TBC1D9B: variants seen among roughly 807,000 people sequenced by gnomAD.
TBC1D9B encodes TBC1 domain family, member 9B (with GRAM domain).
TBC1D9B carries 87 observed loss-of-function variants against 121.1 expected under a neutral mutation model. The ratio of observed to expected loss-of-function variants is 0.72; its 90% CI spans 0.60 to 0.86. The LOEUF (loss-of-function observed/expected upper bound fraction) is 0.86, where lower values mean the gene tolerates loss of function less well. Ranked by LOEUF, TBC1D9B falls within the 40% of genes least tolerant of loss-of-function variation. TBC1D9B has a pLI of 0.00. For synonymous variants in TBC1D9B, 668 were observed against 670.1 expected (o/e 1.00, Z 0.05); for missense variants, 1,540 against 1,628.6 (o/e 0.95, Z 0.94).
Position 179,892,345 on chromosome 5 carries a change from A to G in TBC1D9B, c.837-759T>C, listed in dbSNP as rs75517620. 9.2e-3 allele frequency among the ~76,000 whole-genome samples: 1,407 copies of G among 152,342 alleles called. 29 individuals carry two copies. The highest frequency in any genetic ancestry group is 0.033 in the African/African-American group (1,366 of 41,572). On this transcript the variant is annotated intron_variant, in intron 5 of 20. Coordinates refer to ENST00000355235, the MANE Select transcript of TBC1D9B (RefSeq NM_015043.4). The stretch of plus-strand genomic sequence containing the variant: ...TGCTTGCACAATTTTCTGGTCCTGG[A>G]GGTGGACCCCAGAGTTTGGGCCTGG...
rs1441055177 is a variant in TBC1D9B, at chr5:179,902,617, G to A, written c.229+2085C>T. ...TGGGCCCCTCCCCAGCACCAGGCCT[G>A]CTGTGACTAAAGGGATTCCCACTCT... On this transcript the variant is annotated intron_variant, in intron 2 of 20. Coordinates refer to ENST00000355235, the MANE Select transcript of TBC1D9B (RefSeq NM_015043.4). The surrounding 1 kb of genome is among the most constrained non-coding windows in gnomAD (Gnocchi z 4.9). Among the ~76,000 whole-genome samples the A allele has an allele frequency of 2.6e-5, 4 of 152,158 alleles. No individual in the cohort carries two copies. Among genetic ancestry groups the A allele is most frequent in the African/African-American group, 9.7e-5 (4 of 41,432 alleles).
chr5:179,876,668 A>G (rs1219839412), intron 10 of TBC1D9B, among the ~76,000 whole-genome samples: 3 of 152,246 alleles, frequency 2.0e-5, no homozygotes, highest in African/African-American at 7.2e-5. Context: ...CAACAACAGA[A>G]TATAGCAAGT....
Position 179,907,740 on chromosome 5 carries a change from G to A in TBC1D9B, c.82C>T (p.Arg28Ter). The A allele has an allele frequency of 1.7e-6, 2 of 1,194,716 alleles. No individual in the cohort carries two copies. The highest frequency in any genetic ancestry group is 2.1e-6 in the Non-Finnish European group (2 of 937,908). 74.0% of individuals were successfully genotyped at this position (1,194,716 alleles called of 1,614,324 possible). A position where few individuals can be genotyped will look rare whatever the true frequency, so the allele number is the denominator to read the frequency against. The change falls in exon 1 of 21, where the codon CGA becomes TGA. Residue 28 changes from arginine to a stop codon, truncating the protein, a stop_gained. Transcript: ENST00000355235. LOFTEE classifies it high-confidence loss of function. The surrounding 1 kb of genome is among the most constrained non-coding windows in gnomAD (Gnocchi z 5.3). ...CCGCCCCTGCCGTGGCCCCGGCGTC[G>A]CTGCAGCACGAAGAAGGGGTTGGCC... ...ERANPFFVLQ[R>*]RRGHGRGGGL...
intron 3 of TBC1D9B, among the ~76,000 whole-genome samples, chr5:179,894,924 T>TC (rs1280718079): frequency 3.3e-5 from 5 of 152,202 alleles, no homozygotes; most frequent in Admixed American, 3.3e-4. Flanking sequence ...GTGCAGTGGC[T>TC]CAACCACGGC....
At chr5:179,877,679 A>AAAAAG (rs1174662138) in intron 10 of TBC1D9B, among the ~76,000 whole-genome samples, 69 of 149,812 alleles carry the variant, frequency 4.6e-4, no homozygotes, top group South Asian at 2.1e-3. Flanking sequence ...AAAAAAAAAA[A>AAAAAG]AAAAGAAAAG....
chr5:179,896,369 G>A (rs563053240), intron 3 of TBC1D9B, among the ~76,000 whole-genome samples: 6 of 152,328 alleles, frequency 3.9e-5, no homozygotes, highest in Non-Finnish European at 7.3e-5. Flanking sequence ...CCGCAGCTGC[G>A]ATCTAAACAT....
In TBC1D9B at chr5:179,875,266, T is replaced by C; in HGVS notation, c.1901-79A>G. On this transcript the variant is annotated intron_variant, in intron 11 of 20. Transcript: ENST00000355235. This position sits in a 1 kb window ranked among gnomAD's most constrained non-coding sequence, Gnocchi z 4.5. The stretch of plus-strand genomic sequence containing the variant: ...GCCCTCACCTGCAGCGTACGAGCCC[T>C]GGCCACTCCAGCCCTGCCAGCTGTG... 6.6e-7 allele frequency: 1 copy of C among 1,519,918 alleles called. No individual in the cohort carries two copies. The highest frequency in any genetic ancestry group is 8.8e-7 in the Non-Finnish European group (1 of 1,134,354). The allele number at this position is 1,519,918 out of a possible 1,614,324, so 94.2% of individuals were successfully genotyped here.
In TBC1D9B at chr5:179,874,870, C is replaced by T; in HGVS notation, c.2186+32G>A. ...GGCTGGTGAGGGGTTCTGCTGTGAG[C>T]CCCCAGCAGGAGAAGGAACCCGGCA... On this transcript the variant is annotated intron_variant, in intron 12 of 20. Transcript: ENST00000355235. This position sits in a 1 kb window ranked among gnomAD's most constrained non-coding sequence, Gnocchi z 4.3. 1 of 1,604,618 alleles carries T rather than the reference C, an allele frequency of 6.2e-7. No individual in the cohort carries two copies. The highest frequency in any genetic ancestry group is 8.5e-7 in the Non-Finnish European group (1 of 1,176,524).
chr5:179,882,434 C>G (rs1047870376), intron 7 of TBC1D9B, among the ~76,000 whole-genome samples: 1 of 152,216 alleles, frequency 6.6e-6, no homozygotes, highest in South Asian at 2.1e-4. Context: ...AGTCTGTTCT[C>G]CAGCAGACTC....
intron 2 of TBC1D9B, among the ~76,000 whole-genome samples, chr5:179,900,342 G>A (rs1761132863): frequency 6.6e-6 from 1 of 152,194 alleles, no homozygotes; most frequent in Non-Finnish European, 1.5e-5. Context: ...ATCTCTGCCT[G>A]GCCTGGCTCC....
chr5:179,891,452 A>C lies in TBC1D9B; in HGVS notation c.971T>G (p.Phe324Cys). 5 of 1,614,226 alleles carry C rather than the reference A, an allele frequency of 3.1e-6. No homozygotes were observed. Among genetic ancestry groups the C allele is most frequent in the Non-Finnish European group, 4.2e-6 (5 of 1,180,036 alleles). Residue 324 changes from phenylalanine to cysteine, a missense_variant, in exon 6 of 21, where the codon TTC (phenylalanine) becomes TGC (cysteine). Coordinates refer to ENST00000355235, the MANE Select transcript of TBC1D9B (RefSeq NM_015043.4). This position sits in a 1 kb window ranked among gnomAD's most constrained non-coding sequence, Gnocchi z 4.3. The part of the protein sequence containing the change: ...FNKLHIPGQM[F>C]ISNNYICFAS... ...GAAGCAGATGTAGTTGTTGGAGATGAACATCTGGCCAGGGATGTGCAGCTT... is the reference window on the plus strand; with the variant it reads ...GAAGCAGATGTAGTTGTTGGAGATGCACATCTGGCCAGGGATGTGCAGCTT...
intron 2 of TBC1D9B, among the ~76,000 whole-genome samples, chr5:179,903,930 G>T (rs1761230891): frequency 6.6e-6 from 1 of 151,988 alleles, no homozygotes; most frequent in Non-Finnish European, 1.5e-5. Flanking sequence ...TGGGGACATG[G>T]GCATCAGGCG....
intron 10 of TBC1D9B, among the ~76,000 whole-genome samples, chr5:179,877,779 T>G (rs1760402992): frequency 6.6e-6 from 1 of 151,734 alleles, no homozygotes; most frequent in African/African-American, 2.4e-5. Flanking sequence ...CCCTTGAGGA[T>G]ATCTTGCTAA....
intron 3 of TBC1D9B, among the ~76,000 whole-genome samples, chr5:179,897,587 A>C (rs1327865563): frequency 6.6e-6 from 1 of 152,156 alleles, no homozygotes; most frequent in East Asian, 1.9e-4. Context: ...GGCCTCCCAG[A>C]GTGCTGGGAT....
At chr5:179,887,751 G>A (rs763016971) in intron 7 of TBC1D9B, 45 of 310,246 alleles carry the variant, frequency 1.5e-4, no homozygotes, top group Non-Finnish European at 2.2e-4. Flanking sequence ...CAGCCTGAAC[G>A]CCTGGCAGGG....
At chr5:179,895,562 C>T (rs1310092238) in intron 3 of TBC1D9B, among the ~76,000 whole-genome samples, 1 of 152,194 alleles carries the variant, frequency 6.6e-6, no homozygotes, top group Non-Finnish European at 1.5e-5. Flanking sequence ...GGCATTGTTA[C>T]AGGGCTCAGG....
Position 179,902,261 on chromosome 5 carries a change from G to A in TBC1D9B, c.229+2441C>T, listed in dbSNP as rs1761185931. Reference sequence around the variant, plus strand: ...GGTTAGCTGGCATGGCGGACACTAGGCACAGCAGCCAGGAGGGGTGTGGCT... The same window carrying A: ...GGTTAGCTGGCATGGCGGACACTAGACACAGCAGCCAGGAGGGGTGTGGCT... On this transcript the variant is annotated intron_variant, in intron 2 of 20. Transcript: ENST00000355235. This position sits in a 1 kb window ranked among gnomAD's most constrained non-coding sequence, Gnocchi z 4.9. Among the ~76,000 whole-genome samples the A allele has an allele frequency of 6.6e-6, 1 of 152,238 alleles. No individual in the cohort carries two copies. The highest frequency in any genetic ancestry group is 2.1e-4 in the South Asian group (1 of 4,832).
rs775109007 is a variant in TBC1D9B, at chr5:179,863,644, G to C, written c.3506C>G (p.Ala1169Gly). 1.9e-6 allele frequency: 3 copies of C among 1,613,684 alleles called. No homozygotes were observed. Among genetic ancestry groups the C allele is most frequent in the Admixed American group, 1.7e-5 (1 of 60,002 alleles). ...LVGGEACSPT[A>G]RIGGTVDTDW... ...GGTGTCGACGGTGCCGCCGATGCGC[G>C]CTGTGGGGCTGCAGGCCTCCCCGCC... is the stretch of plus-strand genomic sequence containing the variant. Residue 1169 changes from alanine to glycine, a missense_variant, in exon 21 of 21, where the codon GCG becomes GGG. Physicochemically the swap from Ala to Gly is moderately conservative, Grantham distance 60 (BLOSUM62 0). Coordinates refer to ENST00000355235, the MANE Select transcript of TBC1D9B (RefSeq NM_015043.4). This position sits in a 1 kb window ranked among gnomAD's most constrained non-coding sequence, Gnocchi z 4.5.
At chr5:179,869,673 C>G (rs993849209) in intron 17 of TBC1D9B, 96 bp downstream of exon 17, 1 of 1,386,958 alleles carries the variant, frequency 7.2e-7, no homozygotes, top group South Asian at 1.2e-5. Context: ...GCTGTGCCCC[C>G]TCGAGGCCCC....
Sources: allele counts gnomAD v4.1 joint callset (sites outside exome capture counted in the v4.1 genomes callset), GRCh38; gene constraint gnomAD v4.1.1; non-coding constraint Gnocchi (gnomAD v3.1); transcripts MANE v1.5; gene names NCBI Gene and HGNC (gene_info 2026-07-23, HGNC 2026-07-21).